EIF4ENIF1: variants seen among roughly 807,000 people sequenced by gnomAD.
The protein encoded by EIF4ENIF1 is eukaryotic translation initiation factor 4E transporter.
EIF4ENIF1 carries 23 observed loss-of-function variants against 110.5 expected under a neutral mutation model. That is an observed-to-expected ratio of 0.21 (90% CI 0.15 to 0.29). The LOEUF (loss-of-function observed/expected upper bound fraction) is 0.29, where lower values mean the gene tolerates loss of function less well. EIF4ENIF1 is among the 10% of genes least tolerant of loss of function. EIF4ENIF1 has a pLI of 1.00. For missense variants in EIF4ENIF1, 1,031 were observed against 1,221.1 expected, an observed-to-expected ratio of 0.84 and a Z score of 2.32; for synonymous variants, 440 against 437.0, an observed-to-expected ratio of 1.01 and a Z score of -0.09.
chr22:31,456,486 G>A (rs1376956580), intron 7 of EIF4ENIF1, among the ~76,000 whole-genome samples: 1 of 151,878 alleles, frequency 6.6e-6, no homozygotes, highest in Admixed American at 6.5e-5. Flanking sequence ...GCCTCCCAAA[G>A]TGCTGGGATT....
chr22:31,464,699 A>AATATATATATAT (rs1230573468), intron 4 of EIF4ENIF1, among the ~76,000 whole-genome samples: 6 of 39,112 alleles, frequency 1.5e-4, no homozygotes, highest in South Asian at 8.5e-4. Flanking sequence ...AAAAAAAAAA[A>AATATATATATAT]ATATATATAT....
Position 31,441,790 on chromosome 22 carries a change from T to G in EIF4ENIF1, c.2535A>C (p.Pro845=). 6.2e-7 allele frequency: 1 copy of G among 1,611,242 alleles called. No individual in the cohort carries two copies. The highest frequency in any genetic ancestry group is 8.5e-7 in the Non-Finnish European group (1 of 1,177,938). Residue 845 remains proline, a synonymous_variant, in exon 17 of 19, where the codon CCA becomes CCC. Transcript: ENST00000330125. The stretch of plus-strand genomic sequence containing the variant: ...GAAACTCACCAGTTTGGAGCAAACT[T>G]GGAAGATGCTGTGGATGTACTCCCT... The part of the protein sequence containing the change: ...LAQGVHPQHL[P]SLLQTGVLPP...
chr22:31,457,967 C>T (rs1321743466), intron 7 of EIF4ENIF1, among the ~76,000 whole-genome samples: 2 of 152,114 alleles, frequency 1.3e-5, no homozygotes, highest in African/African-American at 2.4e-5. Context: ...CGGTGGCTCA[C>T]GCCTGTAATC....
upstream of EIF4ENIF1, among the ~76,000 whole-genome samples, chr22:31,492,598 AAG>A (rs1160351436): frequency 6.6e-6 from 1 of 152,224 alleles, no homozygotes; most frequent in Non-Finnish European, 1.5e-5. Flanking sequence ...CCTAGGAAAA[AAG>A]GTAATAATCT....
At chr22:31,452,789 A>T (rs2050713890) in intron 10 of EIF4ENIF1, among the ~76,000 whole-genome samples, 1 of 152,202 alleles carries the variant, frequency 6.6e-6, no homozygotes, top group African/African-American at 2.4e-5. Context: ...TTTTACAGGG[A>T]CATTCTCCTG....
chr22:31,441,965 G>T lies in EIF4ENIF1; in HGVS notation c.2360C>A (p.Ala787Glu). The T allele has an allele frequency of 6.2e-7, 1 of 1,614,190 alleles. No homozygotes were observed. The highest frequency in any genetic ancestry group is 8.5e-7 in the Non-Finnish European group (1 of 1,180,050). Residue 787 changes from alanine (A) to glutamate (E), a missense_variant, in exon 17 of 19, where the codon GCA becomes GAA. Transcript: ENST00000330125. ...CAAGGTGGGTGTTTTTCTCCCAGTTGCTTTAGGTCGATAATCTTGTTCTTT... is the reference window on the plus strand; with the variant it reads ...CAAGGTGGGTGTTTTTCTCCCAGTTTCTTTAGGTCGATAATCTTGTTCTTT... ...YTKEQDYRPK[A>E]TGRKTPTLAS...
Position 31,440,037 on chromosome 22 carries a change from A to G in EIF4ENIF1, c.2801T>C (p.Leu934Pro), listed in dbSNP as rs746402256. The G allele has an allele frequency of 4.3e-6, 7 of 1,614,096 alleles. No homozygotes were observed. The highest frequency in any genetic ancestry group is 2.2e-5 in the South Asian group (2 of 91,074). Reference protein sequence around the residue: ...TPQNVPSRSGLPHMHSQLEHR... With the variant: ...TPQNVPSRSGPPHMHSQLEHR... ...CTCCAGCTGGGAGTGCATGTGGGGC[A>G]GGCCTGACCGGCTGGGCACGTTCTG... Residue 934 changes from leucine (L) to proline (P), a missense_variant, in exon 19 of 19, where the codon CTG (leucine) becomes CCG (proline). By Grantham distance (98) the Leu-to-Pro change is moderately conservative (BLOSUM62 -3). Transcript: ENST00000330125.
At chr22:31,480,344 A>C (rs1601647323) in intron 2 of EIF4ENIF1, among the ~76,000 whole-genome samples, 2 of 152,266 alleles carry the variant, frequency 1.3e-5, no homozygotes, top group South Asian at 4.1e-4. Flanking sequence ...ACAATGGTTA[A>C]AATCCTTATC....
rs533299353 is a variant in EIF4ENIF1, at chr22:31,456,310, G to A, written c.964-323C>T. Among the ~76,000 whole-genome samples, 188 of 147,644 alleles carry A rather than the reference G, an allele frequency of 1.3e-3. 1 individual carries two copies. Among genetic ancestry groups the A allele is most frequent in the African/African-American group, 4.4e-3 (175 of 39,936 alleles). ...ACGATCTCGGCTCACTGCAAGCTCC[G>A]CCTCCCGGGTTCACACCATTCTCCT... On this transcript the variant is annotated intron_variant, in intron 7 of 18. Coordinates refer to ENST00000330125, the MANE Select transcript of EIF4ENIF1 (RefSeq NM_019843.4).
chr22:31,488,047 C>T (rs11089512), intron 2 of EIF4ENIF1, among the ~76,000 whole-genome samples: 12,611 of 152,198 alleles, frequency 0.083, 890 homozygotes, highest in East Asian at 0.37. Flanking sequence ...AATATGACTT[C>T]CTCTCTCTCC....
Position 31,439,774 on chromosome 22 carries a change from CACAG to C in EIF4ENIF1, c.*102_*105del. ...GCATGGGTTCCACCAAACAGCTTCA[CACAG>C]AGTGCTCCAAAGTAAAAGCCCATAA... On this transcript the variant is annotated 3_prime_UTR_variant, in exon 19 of 19. Coordinates refer to ENST00000330125, the MANE Select transcript of EIF4ENIF1 (RefSeq NM_019843.4). 1 of 1,496,668 alleles carries C rather than the reference CACAG, an allele frequency of 6.7e-7. No individual in the cohort carries two copies. The highest frequency in any genetic ancestry group is 8.9e-7 in the Non-Finnish European group (1 of 1,124,004). 92.7% of individuals were successfully genotyped at this position (1,496,668 alleles called of 1,614,324 possible).
At chr22:31,464,810 T>C (rs2145996931) in intron 4 of EIF4ENIF1, among the ~76,000 whole-genome samples, 2 of 145,312 alleles carry the variant, frequency 1.4e-5, no homozygotes, top group South Asian at 4.4e-4. Context: ...GAACAAAATA[T>C]AGGAGGAAAT....
At position 31,441,920 on chromosome 22, in the gene EIF4ENIF1, G is replaced by A; in HGVS notation, c.2405C>T (p.Thr802Ile). Residue 802 changes from threonine (T) to isoleucine (I), a missense_variant, in exon 17 of 19, where the codon ACA (threonine) becomes ATA (isoleucine). Coordinates refer to ENST00000330125, the MANE Select transcript of EIF4ENIF1 (RefSeq NM_019843.4). ...TTGGTGGACAGGGCGGAGAAAAGGTGTTGTAGGAACTGGGGATGCCAAGGT... is the reference window on the plus strand; with the variant it reads ...TTGGTGGACAGGGCGGAGAAAAGGTATTGTAGGAACTGGGGATGCCAAGGT... ...TPTLASPVPT[T>I]PFLRPVHQVP... 1.2e-6 allele frequency: 2 copies of A among 1,614,150 alleles called. No individual in the cohort carries two copies. The highest frequency in any genetic ancestry group is 1.7e-6 in the Non-Finnish European group (2 of 1,180,026).
In EIF4ENIF1 at chr22:31,439,692, T is replaced by G. The variant is rs188630741; in HGVS notation, c.*188A>C. 1,176 of 741,720 alleles carry G rather than the reference T, an allele frequency of 1.6e-3. 3 individuals carry two copies. Among genetic ancestry groups the G allele is most frequent in the Non-Finnish European group, 1.6e-3 (756 of 472,966 alleles). 45.9% of individuals were successfully genotyped at this position (741,720 alleles called of 1,614,324 possible). A position where few individuals can be genotyped will look rare whatever the true frequency, so the allele number is the denominator to read the frequency against. ...CATTGTGCATCCTGTATTCAGACAA[T>G]GTACACTCCACTCGACTGGTTAAGA... is the stretch of plus-strand genomic sequence containing the variant. On this transcript the variant is annotated 3_prime_UTR_variant, in exon 19 of 19. Coordinates refer to ENST00000330125, the MANE Select transcript of EIF4ENIF1 (RefSeq NM_019843.4).
At position 31,439,602 on chromosome 22, in the gene EIF4ENIF1, G is replaced by T; in HGVS notation, c.*278C>A. On this transcript the variant is annotated 3_prime_UTR_variant, in exon 19 of 19. Coordinates refer to ENST00000330125, the MANE Select transcript of EIF4ENIF1 (RefSeq NM_019843.4). ...CAGAACCCTTAGGTGCCACCTCTTG[G>T]TGAGGACACCAACACTTCATTCACA... The T allele has an allele frequency of 2.2e-6, 1 of 446,370 alleles. No individual in the cohort carries two copies. 27.7% of individuals were successfully genotyped at this position (446,370 alleles called of 1,614,324 possible).
intron 2 of EIF4ENIF1, among the ~76,000 whole-genome samples, chr22:31,473,026 C>T (rs9606844): frequency 2.6e-5 from 4 of 150,970 alleles, no homozygotes; most frequent in Non-Finnish European, 2.9e-5. Flanking sequence ...TCTATCTCCA[C>T]GAAGCCAAGT....
At chr22:31,478,982 A>T (rs1054160150) in intron 2 of EIF4ENIF1, among the ~76,000 whole-genome samples, 4 of 149,254 alleles carry the variant, frequency 2.7e-5, no homozygotes, top group Non-Finnish European at 4.4e-5. Flanking sequence ...TGCTCTCTTT[A>T]CAACTGTCCA....
At chr22:31,458,110 C>T (rs953823643) in intron 7 of EIF4ENIF1, among the ~76,000 whole-genome samples, 2 of 151,946 alleles carry the variant, frequency 1.3e-5, no homozygotes, top group African/African-American at 4.8e-5. Context: ...CACCTGTGAT[C>T]CCAACTACTC....
intron 13 of EIF4ENIF1, 77 bp downstream of exon 13, chr22:31,448,076 G>A: frequency 1.3e-6 from 2 of 1,512,448 alleles, no homozygotes; most frequent in Non-Finnish European, 1.8e-6. Flanking sequence ...AATCACAACA[G>A]TTCAGCTCTC....
Sources: allele counts gnomAD v4.1 joint callset (sites outside exome capture counted in the v4.1 genomes callset), GRCh38; gene constraint gnomAD v4.1.1; transcripts MANE v1.5; gene names NCBI Gene and HGNC (gene_info 2026-07-23, HGNC 2026-07-21).